TTLL12: variants seen among roughly 807,000 people sequenced by gnomAD.
The protein encoded by TTLL12 is tubulin--tyrosine ligase-like protein 12.
Under a neutral mutation model 79.6 loss-of-function variants are expected in TTLL12, and 77 were observed. That is an observed-to-expected ratio of 0.97 (90% CI 0.81 to 1.17). The LOEUF (loss-of-function observed/expected upper bound fraction) is 1.17. TTLL12 is among the 50% of genes most tolerant of loss of function. The pLI, the probability that TTLL12 is intolerant of heterozygous loss-of-function variation, is 0.00. For synonymous variants in TTLL12, 437 were observed against 376.1 expected (o/e 1.16, Z -1.87); for missense variants, 969 against 895.9 (o/e 1.08, Z -1.04).
rs6003086 is a variant in TTLL12 at position 43,169,454 on chromosome 22, G to A, written c.1644+46C>T. ...AGCAGCTCCTGCAGGCCCCCAGCCC[G>A]GGACCCGCCCCACCGGCCTGCGATG... On this transcript the variant is annotated intron_variant, in intron 12 of 13. Coordinates refer to ENST00000216129, the MANE Select transcript of TTLL12 (RefSeq NM_015140.4). 1.1e-3 allele frequency: 1,618 copies of A among 1,512,956 alleles called. 16 individuals are homozygous for A. In the African/African-American group the frequency reaches 0.018, roughly 17 times the overall value. 93.7% of individuals were successfully genotyped at this position (1,512,956 alleles called of 1,614,324 possible). A position where few individuals can be genotyped will look rare whatever the true frequency, so the allele number is the denominator to read the frequency against.
chr22:43,182,733 T>C (rs557989772), intron 2 of TTLL12, among the ~76,000 whole-genome samples: 27 of 152,292 alleles, frequency 1.8e-4, no homozygotes, highest in African/African-American at 5.8e-4. Context: ...GCAGGACCAC[T>C]GTGACAATGA....
At position 43,168,813 on chromosome 22, in the gene TTLL12, C is replaced by A; in HGVS notation, c.1744G>T (p.Ala582Ser). ...CDYPSSRAMY[A>S]VDLMLKWDNG... ...TCCCACTTCAGCATGAGGTCGACGGCATACATGGCCCGGGATGAGGGGTAG... is the reference window on the plus strand; with the variant it reads ...TCCCACTTCAGCATGAGGTCGACGGAATACATGGCCCGGGATGAGGGGTAG... The change falls in exon 13 of 14, where the codon GCC becomes TCC. Residue 582 changes from alanine to serine, a missense_variant. By Grantham distance (99) the Ala-to-Ser change is moderately conservative. Transcript: ENST00000216129. 1 of 1,583,040 alleles carries A rather than the reference C, an allele frequency of 6.3e-7. No individual in the cohort carries two copies. The highest frequency in any genetic ancestry group is 8.6e-7 in the Non-Finnish European group (1 of 1,165,238).
At chr22:43,172,356 C>G in intron 10 of TTLL12, 47 bp downstream of exon 10, 1 of 1,602,068 alleles carries the variant, frequency 6.2e-7, no homozygotes, top group Non-Finnish European at 8.5e-7. Flanking sequence ...TACCTCCACC[C>G]GGTCACCCAG....
At chr22:43,174,746 G>T in intron 6 of TTLL12, 131 bp from the exon 7 acceptor site, 1 of 679,946 alleles carries the variant, frequency 1.5e-6, no homozygotes, top group Non-Finnish European at 2.5e-6. Context: ...CTGGGTTCGA[G>T]TCATGATGCT....
chr22:43,167,718 A>C lies in TTLL12; in HGVS notation c.*290T>G, dbSNP rs1297625807. The C allele has an allele frequency of 1.4e-5, 4 of 281,194 alleles. No homozygotes were observed. The highest frequency in any genetic ancestry group is 6.9e-5 in the East Asian group (1 of 14,468). The allele number at this position is 281,194 out of a possible 1,614,324, so 17.4% of individuals were successfully genotyped here. ...CATGCCAGGAACAAAGCCCTTGGCT[A>C]AACTGGAGACTCATCAGTGCACAGA... is the stretch of plus-strand genomic sequence containing the variant. On this transcript the variant is annotated 3_prime_UTR_variant, in exon 14 of 14. Transcript: ENST00000216129.
At chr22:43,173,942 C>G (rs564629163) in intron 8 of TTLL12, 116 bp from the exon 9 acceptor site, 2 of 1,007,238 alleles carry the variant, frequency 2.0e-6, no homozygotes, top group South Asian at 3.1e-5. Context: ...GCTGAGGGGG[C>G]ACCAGAGAGC....
At chr22:43,185,411 T>G (rs1301275078) in intron 1 of TTLL12, among the ~76,000 whole-genome samples, 2 of 150,002 alleles carry the variant, frequency 1.3e-5, no homozygotes, top group Non-Finnish European at 3.0e-5. Flanking sequence ...GTGCTGCTGC[T>G]GCTGGCGGCC....
chr22:43,174,630 C>T lies in TTLL12; in HGVS notation c.918-15G>A, dbSNP rs370126826. On this transcript the variant is annotated splice_polypyrimidine_tract_variant and intron_variant, in intron 6 of 13. Transcript: ENST00000216129. ...CCGTGTAGACCCTGTGGGGAGAGCC[C>T]GAGCTGGGTGATCCCGGCTCCCAAG... 102 of 1,578,290 alleles carry T rather than the reference C, an allele frequency of 6.5e-5. No individual in the cohort carries two copies. Among genetic ancestry groups the T allele is most frequent in the South Asian group, 2.8e-4 (25 of 88,878 alleles).
In TTLL12 at chr22:43,183,090, C is replaced by G. The variant is rs1932100116; in HGVS notation, c.237G>C (p.Glu79Asp). Reference protein sequence around the residue: ...IMQVEEVEEEEDEAAREVRKQ... With the variant: ...IMQVEEVEEEDDEAAREVRKQ... ...TCCGCACCTCCCGGGCTGCCTCGTC[C>G]TCCTCCTCTTCTACCTCCTCCACTT... Residue 79 changes from glutamate (E) to aspartate (D), a missense_variant, in exon 2 of 14, where the codon GAG becomes GAC. Glu to Asp is a conservative substitution (Grantham distance 45, BLOSUM62 2). Transcript: ENST00000216129. 4.3e-6 allele frequency: 7 copies of G among 1,613,814 alleles called. No homozygotes were observed. Among genetic ancestry groups the G allele is most frequent in the Non-Finnish European group, 5.1e-6 (6 of 1,179,812 alleles).
chr22:43,186,189 A>ACC (rs59941359), intron 1 of TTLL12, among the ~76,000 whole-genome samples: 1,643 of 81,988 alleles, frequency 0.02, 166 homozygotes, highest in African/African-American at 0.03. Context: ...TAAAGAAAAC[A>ACC]CCCCCCCCCC....
At chr22:43,182,846 C>T in intron 2 of TTLL12, 134 bp downstream of exon 2, 1 of 1,238,236 alleles carries the variant, frequency 8.1e-7, no homozygotes, top group Non-Finnish European at 1.1e-6. Flanking sequence ...CACCGCTGGC[C>T]ACACGTGCTT....
chr22:43,176,991 G>C (rs1169225466), intron 5 of TTLL12, among the ~76,000 whole-genome samples: 1 of 152,164 alleles, frequency 6.6e-6, no homozygotes, highest in Admixed American at 6.5e-5. Context: ...GGGGCGAGAA[G>C]GTGCCAAACC....
At position 43,174,329 on chromosome 22, in the gene TTLL12, C is replaced by T. The variant is rs1283465317; in HGVS notation, c.1109G>A (p.Cys370Tyr). The T allele has an allele frequency of 6.2e-7, 1 of 1,604,714 alleles. No individual in the cohort carries two copies. Among genetic ancestry groups the T allele is most frequent in the Admixed American group, 1.7e-5 (1 of 58,914 alleles). Reference protein sequence around the residue: ...PCENLLTVKDCLASIARRAGG... With the variant: ...PCENLLTVKDYLASIARRAGG... ...TGCCCGGCGCGCGATGGAGGCCAGG[C>T]AGTCCTTGACAGTCAGCAGGTTCTC... The change falls in exon 8 of 14, where the codon TGC becomes TAC. Residue 370 changes from cysteine (C) to tyrosine (Y), a missense_variant. Cys to Tyr is a radical substitution (Grantham distance 194). Transcript: ENST00000216129.
intron 1 of TTLL12, among the ~76,000 whole-genome samples, chr22:43,184,536 G>A (rs1446364909): frequency 6.6e-6 from 1 of 152,236 alleles, no homozygotes; most frequent in Non-Finnish European, 1.5e-5. Flanking sequence ...GAGTAAGAGC[G>A]AAGGCCTGGA....
chr22:43,175,839 ATTTTTT>A (rs753447234), intron 6 of TTLL12, among the ~76,000 whole-genome samples: 3 of 128,372 alleles, frequency 2.3e-5, no homozygotes, highest in South Asian at 2.5e-4. Flanking sequence ...TGCCCTACTA[ATTTTTT>A]TTTTTTTTTT....
chr22:43,174,366 G>A lies in TTLL12; in HGVS notation c.1072C>T (p.Gln358Ter), dbSNP rs779687282. 6.3e-7 allele frequency: 1 copy of A among 1,584,952 alleles called. No individual in the cohort carries two copies. Among genetic ancestry groups the A allele is most frequent in the Non-Finnish European group, 8.6e-7 (1 of 1,161,790 alleles). Residue 358 changes from glutamine (Q) to a stop codon, truncating the protein, a stop_gained, in exon 8 of 14, where the codon CAG becomes TAG. Coordinates refer to ENST00000216129, the MANE Select transcript of TTLL12 (RefSeq NM_015140.4). LOFTEE classifies it high-confidence loss of function. ...SQERPGVLLN[Q>*]FPCENLLTVK... ...GTCAGCAGGTTCTCGCAGGGGAACT[G>A]GTTCAGCAGCACGCCTGGCCTCTCC...
chr22:43,169,464 C>A, intron 12 of TTLL12, 36 bp downstream of exon 12: 2 of 1,537,050 alleles, frequency 1.3e-6, no homozygotes, highest in South Asian at 1.3e-5. Context: ...GGGACCCGCC[C>A]CACCGGCCTG....
chr22:43,176,458 G>C, intron 5 of TTLL12, 62 bp from the exon 6 acceptor site: 2 of 1,365,838 alleles, frequency 1.5e-6, no homozygotes, highest in Non-Finnish European at 2.1e-6. Flanking sequence ...GGCCGGCCGT[G>C]GTGGCTCATG....
chr22:43,184,181 A>G (rs1370426659), intron 1 of TTLL12, among the ~76,000 whole-genome samples: 10 of 152,254 alleles, frequency 6.6e-5, no homozygotes, highest in Admixed American at 6.5e-4. Context: ...CGCACAGTGG[A>G]GGCTCAACAA....
Sources: gnomAD v4.1 joint callset for allele counts (sites outside exome capture counted in the v4.1 genomes callset) on GRCh38, gnomAD v4.1.1 for gene constraint, MANE v1.5 for transcripts, NCBI Gene and HGNC (gene_info 2026-07-23, HGNC 2026-07-21) for gene names.